ARHGEF10: variants seen among roughly 807,000 people sequenced by gnomAD.
The protein encoded by ARHGEF10 is Rho guanine nucleotide exchange factor (GEF) 10.
A neutral mutation model predicts 147.4 loss-of-function variants in ARHGEF10; 140 were observed. The observed-to-expected ratio is 0.95, with a 90% confidence interval of 0.83 to 1.09. ARHGEF10 has a LOEUF of 1.09. Ranked by LOEUF, ARHGEF10 falls within the 50% of genes least tolerant of loss-of-function variation. ARHGEF10 has a pLI of 0.00. For synonymous variants in ARHGEF10, 902 were observed against 695.8 expected (o/e 1.30, Z -4.67); for missense variants, 2,222 against 1,752.7 (o/e 1.27, Z -4.78).
Position 1,899,750 on chromosome 8 carries a change from G to C in ARHGEF10, c.1650+1225G>C, listed in dbSNP as rs1221386259. On this transcript the variant is annotated intron_variant, in intron 15 of 28. Coordinates refer to ENST00000349830, the MANE Select transcript of ARHGEF10 (RefSeq NM_014629.4). The stretch of plus-strand genomic sequence containing the variant: ...CAAAGTGTGTTTTATTTCTTTAGCT[G>C]ACAAATATGTACTGAGTTCTAATAC... 4.6e-5 allele frequency among the ~76,000 whole-genome samples: 7 copies of C among 152,142 alleles called. No individual in the cohort carries two copies. The East Asian group carries it at 1.3e-3, about 29-fold the overall frequency.
At chr8:1,916,828 G>A (rs1350912441) in intron 18 of ARHGEF10, among the ~76,000 whole-genome samples, 4 of 152,196 alleles carry the variant, frequency 2.6e-5, no homozygotes, top group Non-Finnish European at 2.9e-5. Flanking sequence ...TTTAAAGACA[G>A]TAAGAATGAC....
intron 13 of ARHGEF10, among the ~76,000 whole-genome samples, chr8:1,895,133 C>T (rs1809868518): frequency 6.6e-6 from 1 of 152,224 alleles, no homozygotes. Context: ...GATGTTGCAA[C>T]AGCTTGCCTG....
intron 6 of ARHGEF10, among the ~76,000 whole-genome samples, chr8:1,867,594 A>G (rs1270198749): frequency 6.6e-6 from 1 of 152,214 alleles, no homozygotes; most frequent in Non-Finnish European, 1.5e-5. Context: ...ACCTAAAGGC[A>G]TTCTTTCTCC....
chr8:1,905,262 A>C (rs1810791050), intron 16 of ARHGEF10, among the ~76,000 whole-genome samples: 1 of 152,196 alleles, frequency 6.6e-6, no homozygotes, highest in Admixed American at 6.5e-5. Context: ...ACCTTTAAGA[A>C]GTTAAGATAG....
intron 7 of ARHGEF10, among the ~76,000 whole-genome samples, chr8:1,874,401 G>A (rs777116138): frequency 1.3e-5 from 2 of 152,330 alleles, no homozygotes; most frequent in Non-Finnish European, 2.9e-5. Flanking sequence ...CAACTGCTGT[G>A]CGGAATACAG....
At chr8:1,887,961 A>C (rs1045619996) in intron 11 of ARHGEF10, among the ~76,000 whole-genome samples, 3 of 147,604 alleles carry the variant, frequency 2.0e-5, no homozygotes, top group Admixed American at 1.3e-4. Context: ...GTCTGTGATG[A>C]GACACTGTGA....
At chr8:1,826,481 G>A (rs1802781702) in intron 1 of ARHGEF10, among the ~76,000 whole-genome samples, 1 of 152,094 alleles carries the variant, frequency 6.6e-6, no homozygotes, top group Non-Finnish European at 1.5e-5. Flanking sequence ...GTTGGGTGGT[G>A]TGGAGGGTGT....
chr8:1,876,522 C>G, intron 7 of ARHGEF10, 49 bp from the exon 8 acceptor site: 3 of 1,573,626 alleles, frequency 1.9e-6, no homozygotes, highest in Non-Finnish European at 2.6e-6. Flanking sequence ...CAAAACAGCC[C>G]ACATGGAATT....
intron 26 of ARHGEF10, among the ~76,000 whole-genome samples, chr8:1,939,864 C>T (rs1483865422): frequency 6.6e-6 from 1 of 152,180 alleles, no homozygotes; most frequent in African/African-American, 2.4e-5. Flanking sequence ...CTGAAGGTAG[C>T]CAGCAGCCTT....
At chr8:1,861,704 C>T (rs1806147079) in intron 4 of ARHGEF10, among the ~76,000 whole-genome samples, 2 of 152,072 alleles carry the variant, frequency 1.3e-5, no homozygotes, top group South Asian at 2.1e-4. Flanking sequence ...AATAGACGGC[C>T]TCCTGTGCGT....
chr8:1,891,301 A>G (rs934269040), intron 11 of ARHGEF10, among the ~76,000 whole-genome samples: 15 of 152,202 alleles, frequency 9.9e-5, no homozygotes, highest in African/African-American at 3.6e-4. Context: ...GAGTGGTTAA[A>G]TGGGGGGTAT....
At chr8:1,886,445 C>T (rs1032576522) in intron 11 of ARHGEF10, among the ~76,000 whole-genome samples, 9 of 152,142 alleles carry the variant, frequency 5.9e-5, no homozygotes, top group Admixed American at 2.0e-4. Flanking sequence ...AGATTAAAGA[C>T]AAACAACACA....
intron 1 of ARHGEF10, among the ~76,000 whole-genome samples, chr8:1,831,655 G>A (rs118103924): frequency 0.014 from 2,200 of 152,046 alleles, 192 homozygotes; most frequent in East Asian, 0.1. Context: ...GTTGGGACGC[G>A]AAGGCTGCTC....
At chr8:1,890,536 G>A (rs983655775) in intron 11 of ARHGEF10, among the ~76,000 whole-genome samples, 1 of 150,844 alleles carries the variant, frequency 6.6e-6, no homozygotes, top group African/African-American at 2.5e-5. Flanking sequence ...TCTCTGAGGA[G>A]ACACTGAGTG....
chr8:1,879,989 T>A, intron 8 of ARHGEF10, 59 bp from the exon 9 acceptor site: 1 of 1,198,312 alleles, frequency 8.3e-7, no homozygotes, highest in South Asian at 1.2e-5. Context: ...AATGTAAAAT[T>A]GTCCCAAAGA....
At chr8:1,890,756 G>A (rs1016505768) in intron 11 of ARHGEF10, among the ~76,000 whole-genome samples, 3 of 152,032 alleles carry the variant, frequency 2.0e-5, no homozygotes, top group African/African-American at 4.8e-5. Flanking sequence ...GAGAGAGTGA[G>A]TAGTGATTGG....
intron 7 of ARHGEF10, among the ~76,000 whole-genome samples, chr8:1,872,612 T>G (rs1466528737): frequency 1.3e-5 from 2 of 152,188 alleles, no homozygotes; most frequent in East Asian, 3.9e-4. Context: ...TTGATGGACA[T>G]AAACCCATAT....
chr8:1,925,028 G>A (rs946806083), intron 21 of ARHGEF10, among the ~76,000 whole-genome samples: 11 of 152,218 alleles, frequency 7.2e-5, no homozygotes, highest in Admixed American at 3.3e-4. Context: ...TGGGTCCAGC[G>A]TATTCAGGAG....
chr8:1,926,316 G>A (rs1812688444), intron 22 of ARHGEF10, 61 bp from the exon 23 acceptor site: 6 of 1,351,434 alleles, frequency 4.4e-6, no homozygotes, highest in Non-Finnish European at 6.4e-6. Flanking sequence ...AAGACGTTAT[G>A]TAGTCTAGGA....
Sources: gnomAD v4.1 joint callset for allele counts (sites outside exome capture counted in the v4.1 genomes callset) on GRCh38, gnomAD v4.1.1 for gene constraint, MANE v1.5 for transcripts, NCBI Gene and HGNC (gene_info 2026-07-23, HGNC 2026-07-21) for gene names.